Variants in USP31 observed in about 807,000 individuals in gnomAD.
The protein encoded by USP31 is ubiquitin specific peptidase 31, also known as ubiquitin carboxyl-terminal hydrolase 31.
A neutral mutation model predicts 119.4 loss-of-function variants in USP31; 44 were observed. The observed-to-expected ratio is 0.37, with a 90% CI of 0.29 to 0.47. The LOEUF is 0.47. Ranked by LOEUF, USP31 falls within the 20% of genes least tolerant of loss-of-function variation. The pLI is 0.99. For missense variants in USP31, 1,643 were observed against 1,730.2 expected (o/e 0.95, Z 0.89); for synonymous variants, 749 against 705.6 (o/e 1.06, Z -0.97).
intron 1 of USP31, among the ~76,000 whole-genome samples, chr16:23,125,046 C>T (rs1430531028): frequency 6.6e-6 from 1 of 152,170 alleles, no homozygotes; most frequent in Non-Finnish European, 1.5e-5. Flanking sequence ...AGATCCTTTC[C>T]ACACCTCTCT....
intron 11 of USP31, 122 bp from the exon 12 acceptor site, chr16:23,082,679 G>C: frequency 7.6e-7 from 1 of 1,318,560 alleles, no homozygotes. Context: ...GCAGATGCTG[G>C]GCATCAATGG....
In USP31 at chr16:23,108,166, A is replaced by G. The variant is rs762025950; in HGVS notation, c.651T>C (p.Asn217=). 5 of 1,613,174 alleles carry G rather than the reference A, an allele frequency of 3.1e-6. No homozygotes were observed. In the South Asian group the frequency reaches 4.4e-5, roughly 14 times the overall value. ...SRDFKTIVSK[N]ALQYRGNSQH... ...GGGAATTTCCCCGGTACTGCAGTGC[A>G]TTCTTTGACACAATAGTCTATGCAG... Residue 217 remains asparagine (N), a synonymous_variant, in exon 2 of 16, where the codon AAT becomes AAC. Coordinates refer to ENST00000219689, the MANE Select transcript of USP31 (RefSeq NM_020718.4).
chr16:23,076,410 T>A (rs541254788), intron 13 of USP31, among the ~76,000 whole-genome samples: 8 of 152,030 alleles, frequency 5.3e-5, no homozygotes, highest in Non-Finnish European at 1.2e-4. Context: ...AAAGTGGTGG[T>A]AGGGTCTCAG....
chr16:23,088,855 A>T (rs1901229605), intron 7 of USP31, among the ~76,000 whole-genome samples: 1 of 152,234 alleles, frequency 6.6e-6, no homozygotes. Context: ...AAAATAGATG[A>T]ATGAATGAAT....
chr16:23,128,418 A>C (rs2141893852), intron 1 of USP31, among the ~76,000 whole-genome samples: 1 of 152,332 alleles, frequency 6.6e-6, no homozygotes, highest in East Asian at 1.9e-4. Flanking sequence ...TAAAAACTAT[A>C]ACTGACTGAA....
At chr16:23,104,807 G>A (rs934427904) in intron 5 of USP31, among the ~76,000 whole-genome samples, 1 of 152,154 alleles carries the variant, frequency 6.6e-6, no homozygotes, top group Non-Finnish European at 1.5e-5. Flanking sequence ...AGTAAATTGA[G>A]TAAAAGCTAT....
intron 1 of USP31, among the ~76,000 whole-genome samples, chr16:23,120,480 C>T (rs1227468177): frequency 1.3e-5 from 2 of 152,128 alleles, no homozygotes; most frequent in Non-Finnish European, 2.9e-5. Flanking sequence ...AACCCAAAGC[C>T]CAAACCAACC....
At chr16:23,082,654 ATC>A (rs1900884191) in intron 11 of USP31, 97 bp from the exon 12 acceptor site, 1 of 1,532,664 alleles carries the variant, frequency 6.5e-7, no homozygotes, top group Non-Finnish European at 8.9e-7. Context: ...GCAACTCAAA[ATC>A]TCTCTGTAAA....
chr16:23,091,292 T>G (rs1057274550), intron 6 of USP31, among the ~76,000 whole-genome samples: 1 of 152,214 alleles, frequency 6.6e-6, no homozygotes, highest in African/African-American at 2.4e-5. Context: ...ATCTTCCAAC[T>G]TGGAATACAG....
chr16:23,104,752 T>C (rs1902021128), intron 5 of USP31, among the ~76,000 whole-genome samples: 1 of 152,186 alleles, frequency 6.6e-6, no homozygotes, highest in African/African-American at 2.4e-5. Context: ...CATCTTTCCT[T>C]AATAAATCTT....
Position 23,102,362 on chromosome 16 carries a change from C to T in USP31, c.1191G>A (p.Glu397=). The T allele has an allele frequency of 6.2e-7, 1 of 1,614,032 alleles. No homozygotes were observed. The highest frequency in any genetic ancestry group is 8.5e-7 in the Non-Finnish European group (1 of 1,179,942). ...CTTCAGGCCTAAATATTTCGGGAGT[C>T]TCAAAGGCAAAAATGCAGTCGCTTT... ...VHESDCIFAF[E]TPEIFRPEGI... is the part of the protein sequence containing the mutation. The change falls in exon 6 of 16, where the codon GAG becomes GAA. Residue 397 remains glutamate, a synonymous_variant. Coordinates refer to ENST00000219689, the MANE Select transcript of USP31 (RefSeq NM_020718.4).
At position 23,102,447 on chromosome 16, in the gene USP31, A is replaced by G. The variant is rs761379959; in HGVS notation, c.1106T>C (p.Met369Thr). 2 of 1,609,676 alleles carry G rather than the reference A, an allele frequency of 1.2e-6. No homozygotes were observed. Among genetic ancestry groups the G allele is most frequent in the South Asian group, 1.1e-5 (1 of 89,908 alleles). ...IPTDQIVLTE[M>T]YYDGFHRSFC... ...GGAACGATGGAACCCATCATAGTAC[A>G]TTTCTGTTAACACAATCTAAAAATA... Residue 369 changes from methionine (M) to threonine (T), a missense_variant, in exon 6 of 16, where the codon ATG (methionine) becomes ACG (threonine). By Grantham distance (81) the Met-to-Thr change is moderately conservative. Transcript: ENST00000219689.
chr16:23,145,098 C>A (rs1903468226), intron 1 of USP31, among the ~76,000 whole-genome samples: 1 of 152,156 alleles, frequency 6.6e-6, no homozygotes, highest in Admixed American at 6.5e-5. Flanking sequence ...AAACCACACG[C>A]CCTTTCATGC....
chr16:23,085,107 G>T, intron 10 of USP31, 118 bp from the exon 11 acceptor site: 1 of 1,421,112 alleles, frequency 7.0e-7, no homozygotes, highest in Non-Finnish European at 9.4e-7. Context: ...AAAAATCAAT[G>T]TGTAAGAAAA....
At chr16:23,099,126 G>GA (rs936940024) in intron 6 of USP31, among the ~76,000 whole-genome samples, 17 of 151,886 alleles carry the variant, frequency 1.1e-4, no homozygotes, top group African/African-American at 3.6e-4. Context: ...GAATTTACAA[G>GA]AAAAAAACAA....
intron 5 of USP31, among the ~76,000 whole-genome samples, chr16:23,104,959 C>G (rs1902031949): frequency 1.3e-5 from 2 of 152,308 alleles, no homozygotes; most frequent in South Asian, 4.1e-4. Flanking sequence ...GTAAGAGACT[C>G]TGGTCCAGCC....
chr16:23,128,299 C>T (rs756118335), intron 1 of USP31, among the ~76,000 whole-genome samples: 1 of 152,140 alleles, frequency 6.6e-6, no homozygotes, highest in Non-Finnish European at 1.5e-5. Context: ...ATCTTAAGAT[C>T]CTTGCATTCT....
intron 14 of USP31, chr16:23,072,548 G>GC: frequency 3.5e-6 from 2 of 569,576 alleles, no homozygotes; most frequent in Non-Finnish European, 3.1e-6. Context: ...GCATCTACAT[G>GC]CCAGGCACTG....
chr16:23,121,271 A>G (rs761948446), intron 1 of USP31, among the ~76,000 whole-genome samples: 1 of 152,156 alleles, frequency 6.6e-6, no homozygotes, highest in Non-Finnish European at 1.5e-5. Flanking sequence ...AGCCAACCCT[A>G]TGGATACTTG....
Sources: allele counts gnomAD v4.1 joint callset (sites outside exome capture counted in the v4.1 genomes callset), GRCh38; gene constraint gnomAD v4.1.1; transcripts MANE v1.5; gene names NCBI Gene and HGNC (gene_info 2026-07-23, HGNC 2026-07-21).